The following GSK3B variants were observed in gnomAD, a reference collection of about 807,000 sequenced individuals.
The protein encoded by GSK3B is glycogen synthase kinase 3 beta, also known as glycogen synthase kinase-3 beta.
In GSK3B, 15 loss-of-function variants were observed where a neutral mutation model predicts 56.4. The ratio of observed to expected loss-of-function variants is 0.27; its 90% CI spans 0.18 to 0.41. The LOEUF (loss-of-function observed/expected upper bound fraction) is 0.41. Ranked by LOEUF, GSK3B falls within the 10% of genes least tolerant of loss-of-function variation. The pLI is 1.00. For missense variants in GSK3B, 300 were observed against 513.4 expected (o/e 0.58, Z 4.02); for synonymous variants, 181 against 188.9 (o/e 0.96, Z 0.34).
Position 120,072,572 on chromosome 3 carries a change from C to T in GSK3B, c.88+20775G>A, listed in dbSNP as rs375269110. ...ACTGCACTTCAGCCTGAGCAAGACT[C>T]AGTCTCAAAAAAATAATAATAATAA... On this transcript the variant is annotated intron_variant, in intron 1 of 10. Coordinates refer to ENST00000264235, the MANE Select transcript of GSK3B (RefSeq NM_001146156.2). Among the ~76,000 whole-genome samples the T allele has an allele frequency of 1.4e-4, 22 of 152,252 alleles. No individual in the cohort carries two copies. In the East Asian group the frequency reaches 3.9e-3, roughly 27 times the overall value.
intron 2 of GSK3B, among the ~76,000 whole-genome samples, chr3:119,981,514 TCTTAGCACCC>T (rs1364073860): frequency 6.6e-5 from 10 of 152,210 alleles, no homozygotes; most frequent in African/African-American, 2.4e-4. Flanking sequence ...TTTCCCAAGG[TCTTAGCACCC>T]GCTGACAAGA....
At chr3:119,959,844 C>T (rs142241960) in intron 2 of GSK3B, among the ~76,000 whole-genome samples, 15 of 152,068 alleles carry the variant, frequency 9.9e-5, no homozygotes, top group African/African-American at 2.9e-4. Context: ...TGAGACACTG[C>T]GCCCGGCTTG....
chr3:119,836,853 A>T (rs1334312741), intron 10 of GSK3B, among the ~76,000 whole-genome samples: 2 of 152,256 alleles, frequency 1.3e-5, no homozygotes, highest in Non-Finnish European at 2.9e-5. Flanking sequence ...CATTTCTAGT[A>T]GGCTCTGCCT....
chr3:119,895,979 T>C (rs2056558708), intron 7 of GSK3B, among the ~76,000 whole-genome samples: 1 of 151,744 alleles, frequency 6.6e-6, no homozygotes, highest in African/African-American at 2.4e-5. Flanking sequence ...AATACAAAAA[T>C]TTGCCAGGCA....
chr3:119,827,027 A>T (rs1175018789), intron 10 of GSK3B, among the ~76,000 whole-genome samples, 172 bp from the exon 11 acceptor site: 1 of 152,184 alleles, frequency 6.6e-6, no homozygotes, highest in Non-Finnish European at 1.5e-5. Flanking sequence ...CTATTCTTGG[A>T]TTTAAGTTCA....
At chr3:120,082,346 A>ATGAACCCT (rs2058426729) in intron 1 of GSK3B, among the ~76,000 whole-genome samples, 1 of 150,380 alleles carries the variant, frequency 6.6e-6, no homozygotes, top group Non-Finnish European at 1.5e-5. Context: ...CATGTAGCTA[A>ATGAACCCT]TGAACCCTTG....
intron 3 of GSK3B, among the ~76,000 whole-genome samples, chr3:119,940,882 T>C (rs1333755392): frequency 2.0e-5 from 3 of 152,326 alleles, no homozygotes; most frequent in Middle Eastern, 3.4e-3. Context: ...CTCCTCTTCA[T>C]AGAACCGTTG....
chr3:119,953,073 A>G (rs2057174111), intron 2 of GSK3B, among the ~76,000 whole-genome samples: 1 of 152,218 alleles, frequency 6.6e-6, no homozygotes, highest in Non-Finnish European at 1.5e-5. Context: ...GGAGGGGGAG[A>G]AAACAGTTAT....
intron 9 of GSK3B, among the ~76,000 whole-genome samples, chr3:119,862,965 T>A (rs1023104787): frequency 6.6e-6 from 1 of 152,190 alleles, no homozygotes; most frequent in Non-Finnish European, 1.5e-5. Context: ...AGAAAGGGTT[T>A]ATAGGGCTCT....
chr3:119,880,726 T>A (rs1277653864), intron 7 of GSK3B, among the ~76,000 whole-genome samples: 2 of 152,190 alleles, frequency 1.3e-5, no homozygotes, highest in East Asian at 3.8e-4. Flanking sequence ...TCTAAATTAT[T>A]AACACTTATT....
At chr3:119,910,009 G>T (rs2056720000) in intron 6 of GSK3B, among the ~76,000 whole-genome samples, 1 of 152,102 alleles carries the variant, frequency 6.6e-6, no homozygotes, top group South Asian at 2.1e-4. Context: ...AATGGAGATG[G>T]CATGAAGGAA....
intron 2 of GSK3B, among the ~76,000 whole-genome samples, chr3:119,984,528 G>A (rs975534465): frequency 1.3e-5 from 2 of 151,860 alleles, no homozygotes; most frequent in Non-Finnish European, 2.9e-5. Context: ...AATGATAAAG[G>A]GGATATCACC....
chr3:119,904,405 T>C (rs2056661329), intron 7 of GSK3B, among the ~76,000 whole-genome samples: 1 of 152,066 alleles, frequency 6.6e-6, no homozygotes, highest in Non-Finnish European at 1.5e-5. Flanking sequence ...GATAGGAAAC[T>C]CAAAAATGGT....
chr3:119,950,821 C>A (rs967588725), intron 2 of GSK3B, among the ~76,000 whole-genome samples: 1 of 152,194 alleles, frequency 6.6e-6, no homozygotes. Context: ...GGAAAATGGC[C>A]TTCTTTGCCA....
chr3:120,083,560 AG>A (rs1306359075), intron 1 of GSK3B, among the ~76,000 whole-genome samples: 1 of 152,246 alleles, frequency 6.6e-6, no homozygotes, highest in African/African-American at 2.4e-5. Flanking sequence ...TTAAAAGCAA[AG>A]GAAAAAATGT....
chr3:120,063,973 TGA>T (rs1292617260), intron 1 of GSK3B, among the ~76,000 whole-genome samples: 1 of 151,876 alleles, frequency 6.6e-6, no homozygotes, highest in African/African-American at 2.4e-5. Context: ...GGCAACAGAG[TGA>T]GACTCTGTCT....
At chr3:120,072,898 A>C (rs1454540821) in intron 1 of GSK3B, among the ~76,000 whole-genome samples, 2 of 152,204 alleles carry the variant, frequency 1.3e-5, no homozygotes, top group Non-Finnish European at 2.9e-5. Flanking sequence ...AACTGAACGC[A>C]AAATTGGTGC....
intron 7 of GSK3B, among the ~76,000 whole-genome samples, chr3:119,886,552 A>G (rs988951256): frequency 2.6e-5 from 4 of 152,068 alleles, no homozygotes; most frequent in Non-Finnish European, 5.9e-5. Context: ...AAATTGTTCT[A>G]CCAAAAAGAT....
intron 9 of GSK3B, among the ~76,000 whole-genome samples, chr3:119,852,601 G>A (rs932487463): frequency 6.6e-6 from 1 of 151,972 alleles, no homozygotes; most frequent in Non-Finnish European, 1.5e-5. Flanking sequence ...GCTCACCCCC[G>A]CCTCCCAAAG....
Sources: gnomAD v4.1 joint callset for allele counts (sites outside exome capture counted in the v4.1 genomes callset) on GRCh38, gnomAD v4.1.1 for gene constraint, MANE v1.5 for transcripts, NCBI Gene and HGNC (gene_info 2026-07-23, HGNC 2026-07-21) for gene names.